The following RTKN2 variants were observed in gnomAD, a reference collection of about 807,000 sequenced individuals.
RTKN2 encodes rhotekin 2, also known as rhotekin-2.
Under a neutral mutation model 71.5 loss-of-function variants are expected in RTKN2, and 69 were observed. The observed-to-expected ratio is 0.96, with a 90% CI of 0.79 to 1.18. The LOEUF (loss-of-function observed/expected upper bound fraction) is 1.18, where lower values mean the gene tolerates loss of function less well. Among genes scored for constraint, RTKN2 ranks in the 50% most tolerant of loss-of-function variants. RTKN2 has a pLI of 0.00. For synonymous variants in RTKN2, 236 were observed against 236.5 expected (o/e 1.00, Z 0.02); for missense variants, 724 against 719.7 (o/e 1.01, Z -0.07).
At position 62,236,102 on chromosome 10, in the gene RTKN2, T is replaced by C. The variant is rs769172729; in HGVS notation, c.650A>G (p.Asp217Gly). ...GCTGAGGAGCAAGCACATTTCATCA[T>C]CCTCTTCTTGAAGCACTGAACTTAT... ...KKISSVLQEEDDEMCLLLSSA... is the reference protein window; with the variant it reads ...KKISSVLQEEGDEMCLLLSSA... The change falls in exon 6 of 12, where the codon GAT becomes GGT. Residue 217 changes from aspartate to glycine, a missense_variant. Transcript: ENST00000373789. 2 of 1,612,948 alleles carry C rather than the reference T, an allele frequency of 1.2e-6. No individual in the cohort carries two copies. Among genetic ancestry groups the C allele is most frequent in the Admixed American group, 3.3e-5 (2 of 59,906 alleles).
intron 7 of RTKN2, among the ~76,000 whole-genome samples, chr10:62,219,032 A>C (rs1841844517): frequency 7.6e-6 from 1 of 131,708 alleles, no homozygotes; most frequent in Non-Finnish European, 1.7e-5. Context: ...CAGAGAACTT[A>C]AGATAACTTC....
At chr10:62,243,559 C>G (rs1490257217) in intron 3 of RTKN2, among the ~76,000 whole-genome samples, 1 of 152,122 alleles carries the variant, frequency 6.6e-6, no homozygotes, top group Non-Finnish European at 1.5e-5. Flanking sequence ...CAGCCTTCTT[C>G]TATCCCATGC....
rs538503471 is a variant in RTKN2, at chr10:62,265,904, G to A, written c.60+2647C>T. On this transcript the variant is annotated intron_variant, in intron 1 of 11. Coordinates refer to ENST00000373789, the MANE Select transcript of RTKN2 (RefSeq NM_145307.4). ...TAGGGAATGGAAAATCATCAGTGTCGCTCCCTCAGCCATAATGGCTTGGCC... is the reference window on the plus strand; with the variant it reads ...TAGGGAATGGAAAATCATCAGTGTCACTCCCTCAGCCATAATGGCTTGGCC... Among the ~76,000 whole-genome samples the A allele has an allele frequency of 1.4e-4, 21 of 152,256 alleles. No homozygotes were observed. The Middle Eastern group carries it at 0.024, about 174-fold the overall frequency.
intron 10 of RTKN2, 114 bp from the exon 11 acceptor site, chr10:62,199,975 T>A: frequency 3.0e-6 from 2 of 656,190 alleles, no homozygotes; most frequent in South Asian, 2.0e-5. Context: ...AGTGAATTTA[T>A]ACATAAAGCA....
chr10:62,263,387 A>G (rs1384004746), intron 1 of RTKN2, among the ~76,000 whole-genome samples: 1 of 152,222 alleles, frequency 6.6e-6, no homozygotes, highest in Non-Finnish European at 1.5e-5. Flanking sequence ...TAGGGCCTGC[A>G]GAGGAGCATG....
At chr10:62,214,093 A>G (rs1371266334) in intron 9 of RTKN2, among the ~76,000 whole-genome samples, 1 of 151,980 alleles carries the variant, frequency 6.6e-6, no homozygotes, top group Non-Finnish European at 1.5e-5. Context: ...AACACTGGAG[A>G]AAATTAAGAT....
intron 3 of RTKN2, among the ~76,000 whole-genome samples, chr10:62,244,460 T>C (rs1208582679): frequency 1.3e-5 from 2 of 152,188 alleles, no homozygotes; most frequent in African/African-American, 4.8e-5. Context: ...ATTTCTAATA[T>C]TATGAATTGC....
At chr10:62,233,033 T>A (rs934895890) in intron 6 of RTKN2, among the ~76,000 whole-genome samples, 2 of 152,214 alleles carry the variant, frequency 1.3e-5, no homozygotes, top group Non-Finnish European at 2.9e-5. Context: ...GCACATTCAT[T>A]GTTTTTACAT....
intron 5 of RTKN2, chr10:62,238,895 A>G (rs941179270): frequency 6.6e-6 from 1 of 152,070 alleles, no homozygotes; most frequent in African/African-American, 2.4e-5. Flanking sequence ...AGTAGCTATT[A>G]ACATTTAGAT....
intron 2 of RTKN2, among the ~76,000 whole-genome samples, chr10:62,259,689 G>A (rs1243535083): frequency 6.6e-6 from 1 of 152,054 alleles, no homozygotes; most frequent in African/African-American, 2.4e-5. Context: ...GTAGCTGGGA[G>A]TACAGGCACA....
intron 1 of RTKN2, among the ~76,000 whole-genome samples, chr10:62,267,667 A>G (rs1842890939): frequency 6.6e-6 from 1 of 152,250 alleles, no homozygotes; most frequent in African/African-American, 2.4e-5. Flanking sequence ...ATTTTTAAAC[A>G]AAGATATCAG....
chr10:62,231,854 A>C (rs1189869338), intron 6 of RTKN2, among the ~76,000 whole-genome samples: 2 of 152,178 alleles, frequency 1.3e-5, no homozygotes, highest in Non-Finnish European at 2.9e-5. Context: ...ATTGACCTAG[A>C]TCACTTAAAT....
chr10:62,263,910 G>A (rs1842822761), intron 1 of RTKN2, among the ~76,000 whole-genome samples: 1 of 151,888 alleles, frequency 6.6e-6, no homozygotes, highest in East Asian at 1.9e-4. Context: ...AGTTTCACAC[G>A]CAACATTAAA....
chr10:62,257,168 C>T (rs1842691045), intron 2 of RTKN2, among the ~76,000 whole-genome samples: 1 of 152,164 alleles, frequency 6.6e-6, no homozygotes, highest in South Asian at 2.1e-4. Context: ...TATGAGTTGC[C>T]TCTAAGCTCC....
At chr10:62,245,690 C>CTCTGT (rs1842465214) in intron 3 of RTKN2, among the ~76,000 whole-genome samples, 1 of 152,078 alleles carries the variant, frequency 6.6e-6, no homozygotes, top group South Asian at 2.1e-4. Flanking sequence ...AGTCAAAAGA[C>CTCTGT]TTGGGTTTGG....
At chr10:62,189,058 CTTTT>C (rs34303718), downstream of RTKN2, among the ~76,000 whole-genome samples, 19 of 135,586 alleles carry the variant, frequency 1.4e-4, no homozygotes, top group Non-Finnish European at 2.6e-4. Context: ...ATATTTCCTA[CTTTT>C]TTTTTTTTTT....
intron 2 of RTKN2, among the ~76,000 whole-genome samples, chr10:62,247,384 A>G (rs1842498835): frequency 6.6e-6 from 1 of 151,920 alleles, no homozygotes; most frequent in Non-Finnish European, 1.5e-5. Context: ...TTTATATGAG[A>G]TATTTACATA....
At chr10:62,209,217 G>A (rs1482252916) in intron 9 of RTKN2, among the ~76,000 whole-genome samples, 8 of 152,008 alleles carry the variant, frequency 5.3e-5, no homozygotes, top group Non-Finnish European at 1.0e-4. Context: ...GCAATAAGCC[G>A]AGATTGCTCC....
chr10:62,215,687 G>C (rs1456391510), intron 9 of RTKN2, among the ~76,000 whole-genome samples: 2 of 151,856 alleles, frequency 1.3e-5, no homozygotes, highest in South Asian at 2.1e-4. Flanking sequence ...ATTTTAACTA[G>C]AAAGAAAGCA....
Sources: gnomAD v4.1 joint callset for allele counts (sites outside exome capture counted in the v4.1 genomes callset) on GRCh38, gnomAD v4.1.1 for gene constraint, MANE v1.5 for transcripts, NCBI Gene and HGNC (gene_info 2026-07-23, HGNC 2026-07-21) for gene names.